The following ASPHD1 variants were observed in gnomAD, a reference collection of about 807,000 sequenced individuals.
ASPHD1 encodes the protein aspartate beta-hydroxylase domain containing 1.
A neutral mutation model predicts 28.3 loss-of-function variants in ASPHD1; 20 were observed. The ratio of observed to expected loss-of-function variants is 0.71; its 90% CI spans 0.50 to 1.03. The LOEUF (loss-of-function observed/expected upper bound fraction) is 1.03, where lower values mean the gene tolerates loss of function less well. Ranked by LOEUF, ASPHD1 falls within the 50% of genes least tolerant of loss-of-function variation. The probability of loss-of-function intolerance (pLI) is 0.00; values close to 1 mark genes in which losing one functional copy is unlikely to be tolerated. For missense variants in ASPHD1, 479 were observed against 524.1 expected, an observed-to-expected ratio of 0.91 and a Z score of 0.84; for synonymous variants, 240 against 221.2, an observed-to-expected ratio of 1.08 and a Z score of -0.75.
At position 29,901,499 on chromosome 16, in the gene ASPHD1, G is replaced by T. The variant is rs762584057; in HGVS notation, c.528G>T (p.Gly176=). Residue 176 remains glycine (G), a synonymous_variant, in exon 1 of 3, where the codon GGG becomes GGT. Coordinates refer to ENST00000308748, the MANE Select transcript of ASPHD1 (RefSeq NM_181718.4). This position sits in a 1 kb window ranked among gnomAD's most constrained non-coding sequence, Gnocchi z 5.1. The stretch of plus-strand genomic sequence containing the variant: ...CAGCTCAGGGTGGCCCAGGCCCTGG[G>T]AGAGGGCCAGGGGTCCTAGGTATTC... ...RRAAQGGPGP[G]RGPGVLGIQR... The T allele has an allele frequency of 8.1e-6, 13 of 1,601,254 alleles. No homozygotes were observed. In the East Asian group the frequency reaches 2.7e-4, roughly 33 times the overall value.
chr16:29,911,233 A>G, intron 3 of ASPHD1: 2 of 1,343,594 alleles, frequency 1.5e-6, no homozygotes, highest in South Asian at 1.3e-5. Flanking sequence ...CTGTACCCCC[A>G]GAAGACGGGC....
At chr16:29,918,010 C>A (rs1199694480) in intron 3 of ASPHD1, among the ~76,000 whole-genome samples, 1 of 152,026 alleles carries the variant, frequency 6.6e-6, no homozygotes, top group Non-Finnish European at 1.5e-5. Context: ...CATTTTTAAA[C>A]AAGACCATAA....
At position 29,901,975 on chromosome 16, in the gene ASPHD1, A is replaced by G. The variant is rs562761995; in HGVS notation, c.949+55A>G. On this transcript the variant is annotated intron_variant, in intron 1 of 2. Coordinates refer to ENST00000308748, the MANE Select transcript of ASPHD1 (RefSeq NM_181718.4). The surrounding 1 kb of genome is among the most constrained non-coding windows in gnomAD (Gnocchi z 5.1). ...CTTGCCTCGATGATTTCCCCCCCAGACCCTTCTCTCCGCCAGAGCCGTCTG... is the reference window on the plus strand; with the variant it reads ...CTTGCCTCGATGATTTCCCCCCCAGGCCCTTCTCTCCGCCAGAGCCGTCTG... 2.3e-5 allele frequency: 31 copies of G among 1,343,694 alleles called. No individual in the cohort carries two copies. In the East Asian group the frequency reaches 8.4e-4, roughly 37 times the overall value. The allele number at this position is 1,343,694 out of a possible 1,614,324, so 83.2% of individuals were successfully genotyped here.
chr16:29,901,586 C>G lies in ASPHD1; in HGVS notation c.615C>G (p.Ala205=). The change falls in exon 1 of 3, where the codon GCC becomes GCG. Residue 205 remains alanine (A), a synonymous_variant. Transcript: ENST00000308748. This position sits in a 1 kb window ranked among gnomAD's most constrained non-coding sequence, Gnocchi z 5.1. ...CAGCCCCCTTTGTGCCGCGGGACGC[C>G]CAGCGGCACGACGTGGAGCTCCTGG... is the stretch of plus-strand genomic sequence containing the variant. ...LPSAPFVPRD[A]QRHDVELLES... 1.3e-6 allele frequency: 2 copies of G among 1,543,100 alleles called. No individual in the cohort carries two copies. Among genetic ancestry groups the G allele is most frequent in the Non-Finnish European group, 1.7e-6 (2 of 1,153,168 alleles).
chr16:29,903,067 T>TC (rs2068568721), intron 1 of ASPHD1, among the ~76,000 whole-genome samples: 1 of 150,900 alleles, frequency 6.6e-6, no homozygotes. Flanking sequence ...TTTTAAAAAT[T>TC]TACGTAGGCC....
At chr16:29,915,596 G>A (rs1374623730) in intron 3 of ASPHD1, among the ~76,000 whole-genome samples, 2 of 148,824 alleles carry the variant, frequency 1.3e-5, no homozygotes, top group East Asian at 3.9e-4. Context: ...AGGTTGCAGT[G>A]AGCTATCTCA....
chr16:29,907,260 A>G (rs1394291457), downstream of ASPHD1: 4 of 593,888 alleles, frequency 6.7e-6, no homozygotes, highest in African/African-American at 5.6e-5. Context: ...TTTACTCAGC[A>G]AAGTCATACT....
At chr16:29,906,574 A>G (rs575176230), downstream of ASPHD1, 26 of 550,444 alleles carry the variant, frequency 4.7e-5, no homozygotes, top group Non-Finnish European at 8.0e-5. Context: ...GCACTAAAAA[A>G]AGAGAAAGGG....
At chr16:29,902,674 A>AT (rs138104558) in intron 1 of ASPHD1, among the ~76,000 whole-genome samples, 78,735 of 150,508 alleles carry the variant, frequency 0.52, 20,919 homozygotes, top group Non-Finnish European at 0.56. Flanking sequence ...CACCTGGCTA[A>AT]TTTTTTTTTA....
chr16:29,907,707 G>A (rs1213682640), downstream of ASPHD1, among the ~76,000 whole-genome samples: 1 of 152,134 alleles, frequency 6.6e-6, no homozygotes, highest in Non-Finnish European at 1.5e-5. Context: ...AGGATCACCT[G>A]AGCATGGGAG....
downstream of ASPHD1, chr16:29,910,895 C>G: frequency 7.4e-7 from 1 of 1,350,274 alleles, no homozygotes; most frequent in Non-Finnish European, 1.0e-6. Flanking sequence ...TGGTGGGCTC[C>G]TTCCCCTGCC....
At chr16:29,906,612 A>G, downstream of ASPHD1, 1 of 647,262 alleles carries the variant, frequency 1.5e-6, no homozygotes, top group Non-Finnish European at 2.9e-6. Context: ...AACCAGCTGG[A>G]GAGGGAAGGA....
rs1042560249 is a variant in ASPHD1 at position 29,905,935 on chromosome 16, C to G, written c.*38C>G. 8 of 1,505,034 alleles carry G rather than the reference C, an allele frequency of 5.3e-6. No individual in the cohort carries two copies. Among genetic ancestry groups the G allele is most frequent in the Admixed American group, 1.7e-5 (1 of 57,246 alleles). The allele number at this position is 1,505,034 out of a possible 1,614,324, so 93.2% of individuals were successfully genotyped here. On this transcript the variant is annotated 3_prime_UTR_variant, in exon 3 of 3. Coordinates refer to ENST00000308748, the MANE Select transcript of ASPHD1 (RefSeq NM_181718.4). ...CCTTCACACACCCAGGCTGGAGAGA[C>G]ACTGCGCTCAGGGACGGCTTGATGG... is the stretch of plus-strand genomic sequence containing the variant.
intron 2 of ASPHD1, 74 bp from the exon 3 acceptor site, chr16:29,905,713 TG>T: frequency 1.1e-6 from 1 of 901,734 alleles, no homozygotes; most frequent in Non-Finnish European, 1.8e-6. Flanking sequence ...TTTGCTTTTA[TG>T]GTGTTTGGTG....
At chr16:29,905,650 AAAAGATTTGATAC>A in intron 2 of ASPHD1, 125 bp from the exon 3 acceptor site, 1 of 460,730 alleles carries the variant, frequency 2.2e-6, no homozygotes, top group South Asian at 4.0e-5. Flanking sequence ...AAAAAAAAAA[AAAAGATTTGATAC>A]ATTTAAAGGG....
chr16:29,902,459 A>G (rs2068561820), intron 1 of ASPHD1, among the ~76,000 whole-genome samples: 1 of 152,236 alleles, frequency 6.6e-6, no homozygotes, highest in Admixed American at 6.5e-5. Flanking sequence ...GAAAGCTTTC[A>G]ACAGTCTAGA....
chr16:29,909,702 T>TA (rs2068672682), downstream of ASPHD1, among the ~76,000 whole-genome samples: 3 of 151,700 alleles, frequency 2.0e-5, no homozygotes, highest in South Asian at 6.3e-4. Flanking sequence ...TTTTTTTTTT[T>TA]AATTAGAGTT....
At position 29,905,909 on chromosome 16, in the gene ASPHD1, C is replaced by G. The variant is rs775333925; in HGVS notation, c.*12C>G. The G allele has an allele frequency of 1.4e-5, 22 of 1,599,088 alleles. No individual in the cohort carries two copies. The Admixed American group carries it at 3.7e-4, about 27-fold the overall frequency. On this transcript the variant is annotated 3_prime_UTR_variant, in exon 3 of 3. Coordinates refer to ENST00000308748, the MANE Select transcript of ASPHD1 (RefSeq NM_181718.4). The stretch of plus-strand genomic sequence containing the variant: ...CCCCAGACCCTTGAAGGAAGGTGCT[C>G]CCTTCACACACCCAGGCTGGAGAGA...
chr16:29,905,149 T>TA (rs1185870710), intron 2 of ASPHD1, 184 bp downstream of exon 2: 7 of 534,850 alleles, frequency 1.3e-5, no homozygotes, highest in Non-Finnish European at 2.3e-5. Context: ...CTTCATCAAG[T>TA]AACTGCAAGG....
Sources: allele counts gnomAD v4.1 joint callset (sites outside exome capture counted in the v4.1 genomes callset), GRCh38; gene constraint gnomAD v4.1.1; non-coding constraint Gnocchi (gnomAD v3.1); transcripts MANE v1.5; gene names NCBI Gene and HGNC (gene_info 2026-07-23, HGNC 2026-07-21).